Variants in PAWR observed in about 807,000 individuals in gnomAD.
The protein encoded by PAWR is pro-apoptotic WT1 regulator.
In PAWR, 23 loss-of-function variants were observed where a neutral mutation model predicts 32.0. The ratio of observed to expected loss-of-function variants is 0.72; its 90% CI spans 0.52 to 1.02. The LOEUF (loss-of-function observed/expected upper bound fraction) is 1.02. Among genes scored for constraint, PAWR ranks in the 50% least tolerant of loss-of-function variants. The pLI is 0.00. For missense variants in PAWR, 457 were observed against 437.7 expected, an observed-to-expected ratio of 1.04 and a Z score of -0.39; for synonymous variants, 226 against 187.1, an observed-to-expected ratio of 1.21 and a Z score of -1.70.
At chr12:79,681,126 A>AGGGAG (rs1274912588) in intron 2 of PAWR, among the ~76,000 whole-genome samples, 5 of 16,338 alleles carry the variant, frequency 3.1e-4, no homozygotes, top group Non-Finnish European at 4.6e-4. Context: ...AAGGAGAAGA[A>AGGGAG]GGGAGGGGAG....
At chr12:79,645,654 G>A (rs1351011690) in intron 2 of PAWR, among the ~76,000 whole-genome samples, 1 of 152,042 alleles carries the variant, frequency 6.6e-6, no homozygotes, top group African/African-American at 2.4e-5. Context: ...ACAGTACTTA[G>A]GAAAAACATC....
At chr12:79,601,359 C>T (rs921725189) in intron 4 of PAWR, among the ~76,000 whole-genome samples, 1 of 151,722 alleles carries the variant, frequency 6.6e-6, no homozygotes, top group East Asian at 1.9e-4. Flanking sequence ...ACATGTGCGA[C>T]CATGCCCGCT....
intron 3 of PAWR, among the ~76,000 whole-genome samples, chr12:79,615,005 A>G (rs1874659562): frequency 6.6e-6 from 1 of 152,190 alleles, no homozygotes; most frequent in South Asian, 2.1e-4. Context: ...AAATGACATA[A>G]GTGAGTAAAA....
chr12:79,635,048 T>C (rs1190955401), intron 2 of PAWR, among the ~76,000 whole-genome samples: 1 of 152,144 alleles, frequency 6.6e-6, no homozygotes, highest in African/African-American at 2.4e-5. Flanking sequence ...TATCCTAATC[T>C]GTTCCAATAC....
At chr12:79,618,273 T>C (rs1370820123) in intron 3 of PAWR, among the ~76,000 whole-genome samples, 2 of 151,928 alleles carry the variant, frequency 1.3e-5, no homozygotes, top group African/African-American at 2.4e-5. Flanking sequence ...GGATTACAGG[T>C]GAACACCACC....
intron 2 of PAWR, among the ~76,000 whole-genome samples, chr12:79,675,780 G>A (rs1227048626): frequency 1.3e-5 from 2 of 152,076 alleles, no homozygotes; most frequent in Non-Finnish European, 2.9e-5. Context: ...GTACTATGCT[G>A]ATTACCTGGG....
intron 2 of PAWR, among the ~76,000 whole-genome samples, chr12:79,661,242 C>T (rs1271327412): frequency 5.6e-5 from 7 of 124,932 alleles, no homozygotes; most frequent in Non-Finnish European, 1.1e-4. Context: ...AAGCGAGACT[C>T]TGTCTCAAAA....
intron 4 of PAWR, among the ~76,000 whole-genome samples, chr12:79,603,234 T>C (rs899627723): frequency 3.3e-5 from 5 of 151,796 alleles, no homozygotes; most frequent in African/African-American, 1.2e-4. Flanking sequence ...CTGGGTGACA[T>C]GGTGAAACCC....
chr12:79,670,940 T>C (rs1452510846), intron 2 of PAWR, among the ~76,000 whole-genome samples: 1 of 150,400 alleles, frequency 6.6e-6, no homozygotes, highest in East Asian at 1.9e-4. Flanking sequence ...TGTCAAGCAC[T>C]GAGCTAAGTA....
At chr12:79,660,365 C>T (rs1430127066) in intron 2 of PAWR, among the ~76,000 whole-genome samples, 2 of 151,982 alleles carry the variant, frequency 1.3e-5, no homozygotes, top group African/African-American at 4.8e-5. Flanking sequence ...TATCCCAGGA[C>T]AATTCAAGAT....
At chr12:79,683,683 T>C (rs1298544709) in intron 2 of PAWR, among the ~76,000 whole-genome samples, 1 of 151,830 alleles carries the variant, frequency 6.6e-6, no homozygotes, top group Non-Finnish European at 1.5e-5. Flanking sequence ...CCATGAAAGA[T>C]ATGTAAAAGT....
intron 4 of PAWR, among the ~76,000 whole-genome samples, chr12:79,598,653 T>C (rs972479154): frequency 2.6e-5 from 4 of 152,346 alleles, no homozygotes; most frequent in African/African-American, 9.6e-5. Context: ...GATTGTAACC[T>C]TTTCAAATGT....
At chr12:79,628,981 T>G (rs1363098855) in intron 2 of PAWR, among the ~76,000 whole-genome samples, 1 of 152,070 alleles carries the variant, frequency 6.6e-6, no homozygotes, top group Non-Finnish European at 1.5e-5. Context: ...TATATATAGA[T>G]ATTTAACCCT....
chr12:79,689,416 C>G (rs868644865), intron 2 of PAWR, among the ~76,000 whole-genome samples: 1 of 151,922 alleles, frequency 6.6e-6, no homozygotes, highest in East Asian at 2.0e-4. Context: ...TCCAGGTGGC[C>G]AAGTCAGCCA....
At chr12:79,606,391 G>C (rs2136687848) in intron 4 of PAWR, among the ~76,000 whole-genome samples, 1 of 152,188 alleles carries the variant, frequency 6.6e-6, no homozygotes, top group Non-Finnish European at 1.5e-5. Flanking sequence ...TCAGTTTAGT[G>C]GTTAATTTCC....
At chr12:79,664,658 C>CGGG (rs10700018) in intron 2 of PAWR, among the ~76,000 whole-genome samples, 9,257 of 127,704 alleles carry the variant, frequency 0.072, 2,141 homozygotes, top group African/African-American at 0.34. Context: ...GACTCTTTGG[C>CGGG]GGGGGGGGGA....
chr12:79,598,517 C>A (rs1239987431), intron 4 of PAWR, among the ~76,000 whole-genome samples: 1 of 152,154 alleles, frequency 6.6e-6, no homozygotes, highest in Non-Finnish European at 1.5e-5. Context: ...ATTTATCCAG[C>A]AAATTTACAG....
chr12:79,624,326 AAAAG>A (rs1457305059), intron 2 of PAWR, among the ~76,000 whole-genome samples: 1 of 152,146 alleles, frequency 6.6e-6, no homozygotes, highest in Non-Finnish European at 1.5e-5. Flanking sequence ...ATTAAAAGAA[AAAAG>A]AAAGGAAGAA....
intron 2 of PAWR, chr12:79,668,377 C>G (rs918889166): frequency 6.6e-6 from 1 of 152,150 alleles, no homozygotes; most frequent in East Asian, 1.9e-4. Context: ...TGTCTTTGGT[C>G]TTCTTTTATC....
Sources: gnomAD v4.1 joint callset for allele counts (sites outside exome capture counted in the v4.1 genomes callset) on GRCh38, gnomAD v4.1.1 for gene constraint, MANE v1.5 for transcripts, NCBI Gene and HGNC (gene_info 2026-07-23, HGNC 2026-07-21) for gene names.